Variants in ZFHX3 observed in about 807,000 individuals in gnomAD.
ZFHX3 encodes the protein zinc finger homeobox protein 3.
In ZFHX3, 42 loss-of-function variants were observed where a neutral mutation model predicts 279.1. The observed-to-expected ratio is 0.15, with a 90% CI of 0.12 to 0.19. ZFHX3 has a LOEUF of 0.19. Among genes scored for constraint, ZFHX3 ranks in the 10% least tolerant of loss-of-function variants. The pLI is 1.00. For missense variants in ZFHX3, 4,981 were observed against 4,754.0 expected (o/e 1.05, Z -1.40); for synonymous variants, 2,293 against 1,957.8 (o/e 1.17, Z -4.52).
chr16:72,838,853 G>C (rs1359897179), intron 4 of ZFHX3, among the ~76,000 whole-genome samples: 2 of 152,116 alleles, frequency 1.3e-5, no homozygotes, highest in Non-Finnish European at 1.5e-5. Flanking sequence ...AAAGCACAAC[G>C]GAACGAAATA....
rs531369010 is a variant in ZFHX3, at chr16:73,187,760, G to C, written c.-1103-43929C>G. On this transcript the variant is annotated intron_variant, in intron 5 of 17. Coordinates refer to the ZFHX3 transcript ENST00000641206. ...AAGTGGTGACACTTTCATGATGCTTGGTGTAGAGAAACTGTTGGCGTGGTT... is the reference window on the plus strand; with the variant it reads ...AAGTGGTGACACTTTCATGATGCTTCGTGTAGAGAAACTGTTGGCGTGGTT... Among the ~76,000 whole-genome samples, 5 of 152,322 alleles carry C rather than the reference G, an allele frequency of 3.3e-5. No homozygotes were observed. In the East Asian group the frequency reaches 9.6e-4, roughly 29 times the overall value.
At chr16:73,589,812 A>G (rs1386297180) in intron 2 of ZFHX3, among the ~76,000 whole-genome samples, 8 of 149,082 alleles carry the variant, frequency 5.4e-5, no homozygotes, top group African/African-American at 1.7e-4. Context: ...GGAACCTGGT[A>G]AAAGTATAAA....
chr16:73,432,517 A>C (rs1412874305), intron 3 of ZFHX3, among the ~76,000 whole-genome samples: 1 of 152,182 alleles, frequency 6.6e-6, no homozygotes. Flanking sequence ...ATCTGTTCTT[A>C]TCCCTCCAAA....
At position 72,787,850 on chromosome 16, in the gene ZFHX3, C is replaced by T. The variant is rs776585287; in HGVS notation, c.10426G>A (p.Asp3476Asn). ...VCRKCQAGFS[D>N]EEAARSHLKS... ...AGGTGGCTCCTCGCTGCCTCCTCGTCGCTGAAGCCCGCCTGGCACTTGCGG... is the reference window on the plus strand; with the variant it reads ...AGGTGGCTCCTCGCTGCCTCCTCGTTGCTGAAGCCCGCCTGGCACTTGCGG... Residue 3476 changes from aspartate to asparagine, a missense_variant, in exon 10 of 10, where the codon GAC becomes AAC. Asp to Asn is a conservative substitution (Grantham distance 23, BLOSUM62 1). Transcript: ENST00000268489. The T allele has an allele frequency of 2.5e-6, 4 of 1,613,938 alleles. No homozygotes were observed. Among genetic ancestry groups the T allele is most frequent in the African/African-American group, 1.3e-5 (1 of 75,030 alleles).
chr16:73,610,202 A>AG (rs1350019639), intron 2 of ZFHX3: 2 of 139,216 alleles, frequency 1.4e-5, no homozygotes, highest in African/African-American at 5.8e-5. Flanking sequence ...TTTACTTTAG[A>AG]GGAAAAAAAA....
intron 5 of ZFHX3, among the ~76,000 whole-genome samples, chr16:73,231,272 T>C (rs896403687): frequency 2.1e-4 from 32 of 152,232 alleles, no homozygotes; most frequent in African/African-American, 6.5e-4. Context: ...GCCATCTATA[T>C]CTTGTCGTTT....
intron 5 of ZFHX3, among the ~76,000 whole-genome samples, chr16:72,827,232 C>G (rs1403407017): frequency 2.0e-5 from 3 of 152,162 alleles, no homozygotes; most frequent in African/African-American, 7.2e-5. Context: ...ACAGAGGACC[C>G]AAAGAGAAAC....
In ZFHX3 at chr16:72,960,072, G is replaced by T. The variant is rs750212096; in HGVS notation, c.74C>A (p.Thr25Asn). Residue 25 changes from threonine to asparagine, a missense_variant, in exon 2 of 10, where the codon ACT becomes AAT. Physicochemically the swap from Thr to Asn is moderately conservative, Grantham distance 65. Transcript: ENST00000268489. ...AGGGAGGTGGGTGCTGTTGAGTTCA[G>T]TCCATTGCTGGTGCTGAGGGATACC... is the stretch of plus-strand genomic sequence containing the variant. ...GCGIPQHQQW[T>N]ELNSTHLPDK... 6 of 1,613,844 alleles carry T rather than the reference G, an allele frequency of 3.7e-6. No homozygotes were observed. The East Asian group carries it at 1.1e-4, about 30-fold the overall frequency.
intron 1 of ZFHX3, among the ~76,000 whole-genome samples, chr16:73,833,552 A>G (rs1460409344): frequency 6.6e-6 from 1 of 151,952 alleles, no homozygotes. Context: ...GGAGTTGAAC[A>G]ATGAGAACAC....
chr16:73,696,114 T>A (rs1001744203), intron 1 of ZFHX3, among the ~76,000 whole-genome samples: 1 of 152,104 alleles, frequency 6.6e-6, no homozygotes, highest in African/African-American at 2.4e-5. Flanking sequence ...AGAGGTAGGG[T>A]GTATCCACTA....
intron 1 of ZFHX3, among the ~76,000 whole-genome samples, chr16:73,053,956 T>C (rs978969778): frequency 6.6e-6 from 1 of 151,030 alleles, no homozygotes; most frequent in East Asian, 2.0e-4. Flanking sequence ...CTTCCTAAAA[T>C]GTCACCAGGG....
At chr16:73,022,600 G>C (rs1964340488) in intron 1 of ZFHX3, among the ~76,000 whole-genome samples, 2 of 152,102 alleles carry the variant, frequency 1.3e-5, no homozygotes, top group South Asian at 4.2e-4. Flanking sequence ...CAAATCTTGG[G>C]GGGAGGAAGC....
At chr16:73,838,762 CTG>C (rs34111835) in intron 1 of ZFHX3, among the ~76,000 whole-genome samples, 43,914 of 147,246 alleles carry the variant, frequency 0.3, 6,456 homozygotes, top group Non-Finnish European at 0.34. Flanking sequence ...GTGTGTGTGT[CTG>C]TGTGTGTGTG....
intron 4 of ZFHX3, among the ~76,000 whole-genome samples, chr16:73,267,032 A>G (rs1031560078): frequency 6.6e-6 from 1 of 152,234 alleles, no homozygotes; most frequent in Non-Finnish European, 1.5e-5. Context: ...TTCAGGATAC[A>G]CTTGTAGTCA....
In ZFHX3 at chr16:73,346,270, C is replaced by T. The variant is rs114790509; in HGVS notation, c.-1290-27934G>A. ...GGAAACATCTGTCCCTCCCAGACCA[C>T]TGAAAGCTTGTCTTTGAAAGCCTCA... On this transcript the variant is annotated intron_variant, in intron 3 of 17. Coordinates refer to the ZFHX3 transcript ENST00000641206. Among the ~76,000 whole-genome samples, 856 of 152,350 alleles carry T rather than the reference C, an allele frequency of 5.6e-3. 6 individuals are homozygous for T. The highest frequency in any genetic ancestry group is 0.019 in the African/African-American group (803 of 41,586).
intron 3 of ZFHX3, among the ~76,000 whole-genome samples, chr16:73,408,158 G>A (rs181982807): frequency 2.0e-5 from 3 of 151,454 alleles, no homozygotes; most frequent in Admixed American, 6.6e-5. Context: ...GACCCAAACA[G>A]ATGGTTGTTC....
intron 1 of ZFHX3, among the ~76,000 whole-genome samples, chr16:72,967,556 TAAC>T (rs1216176917): frequency 6.6e-6 from 1 of 152,100 alleles, no homozygotes; most frequent in African/African-American, 2.4e-5. Context: ...CACCATTTGA[TAAC>T]CATCATCATC....
chr16:73,784,808 T>TAC (rs1344909710), intron 1 of ZFHX3, among the ~76,000 whole-genome samples: 5 of 135,648 alleles, frequency 3.7e-5, no homozygotes, highest in African/African-American at 1.4e-4. Flanking sequence ...TATATATATA[T>TAC]ATATATATAC....
intron 3 of ZFHX3, among the ~76,000 whole-genome samples, chr16:73,437,507 A>G (rs910752203): frequency 6.6e-6 from 1 of 152,162 alleles, no homozygotes; most frequent in African/African-American, 2.4e-5. Context: ...AATATTTTCA[A>G]TGAAATATTC....
Sources: allele counts gnomAD v4.1 joint callset (sites outside exome capture counted in the v4.1 genomes callset), GRCh38; gene constraint gnomAD v4.1.1; transcripts MANE v1.5; gene names NCBI Gene and HGNC (gene_info 2026-07-23, HGNC 2026-07-21).